Variants in STK39 observed in about 807,000 individuals in gnomAD.
STK39 encodes STE20/SPS1-related proline-alanine-rich protein kinase.
In STK39, 20 loss-of-function variants were observed where a neutral mutation model predicts 77.8. That is an observed-to-expected ratio of 0.26 (90% CI 0.18 to 0.37). The LOEUF is 0.37. STK39 is among the 10% of genes least tolerant of loss of function. STK39 has a pLI of 1.00. For synonymous variants in STK39, 246 were observed against 234.1 expected (o/e 1.05, Z -0.47); for missense variants, 479 against 656.5 (o/e 0.73, Z 2.95).
chr2:168,131,264 A>T (rs939784892), intron 8 of STK39, among the ~76,000 whole-genome samples: 1 of 152,218 alleles, frequency 6.6e-6, no homozygotes, highest in African/African-American at 2.4e-5. Flanking sequence ...CATCTTTTCC[A>T]TATGTTTTAA....
At chr2:168,043,778 C>A (rs375955317) in intron 14 of STK39, among the ~76,000 whole-genome samples, 3 of 152,188 alleles carry the variant, frequency 2.0e-5, no homozygotes, top group Non-Finnish European at 4.4e-5. Flanking sequence ...TTTCTGACTT[C>A]GTACTTGCAG....
intron 5 of STK39, among the ~76,000 whole-genome samples, chr2:168,157,151 T>C (rs1688451769): frequency 6.6e-6 from 1 of 152,122 alleles, no homozygotes; most frequent in South Asian, 2.1e-4. Flanking sequence ...GTTTTCAGTG[T>C]TCAAGATGCA....
chr2:167,996,760 G>C (rs1234932616), intron 16 of STK39, among the ~76,000 whole-genome samples: 1 of 152,200 alleles, frequency 6.6e-6, no homozygotes, highest in East Asian at 1.9e-4. Flanking sequence ...GGAGATTCTT[G>C]TTATCAAGTA....
chr2:167,998,622 TTTTG>T (rs144974144), intron 16 of STK39, among the ~76,000 whole-genome samples: 65,012 of 151,550 alleles, frequency 0.43, 14,344 homozygotes, highest in African/African-American at 0.49. Flanking sequence ...AGTTGGTGTT[TTTTG>T]TTTGTTTGTT....
At chr2:167,969,922 T>G (rs1692283410) in intron 16 of STK39, among the ~76,000 whole-genome samples, 1 of 152,202 alleles carries the variant, frequency 6.6e-6, no homozygotes, top group Non-Finnish European at 1.5e-5. Context: ...TGATCAGGCC[T>G]CCTGCTCCTT....
chr2:168,152,113 G>C (rs1574506712), intron 5 of STK39, among the ~76,000 whole-genome samples: 1 of 152,212 alleles, frequency 6.6e-6, no homozygotes. Flanking sequence ...TGTGCTGAAG[G>C]TTCCAGGCCA....
intron 5 of STK39, among the ~76,000 whole-genome samples, chr2:168,158,150 C>A (rs1341621255): frequency 6.6e-6 from 1 of 152,152 alleles, no homozygotes; most frequent in Non-Finnish European, 1.5e-5. Flanking sequence ...AGCCACTCCC[C>A]CTTCTATCAC....
chr2:168,091,590 A>C (rs1208835703), intron 10 of STK39, among the ~76,000 whole-genome samples: 1 of 152,212 alleles, frequency 6.6e-6, no homozygotes, highest in East Asian at 1.9e-4. Flanking sequence ...GTGCAGAAAG[A>C]CTGACAGGTG....
At chr2:168,065,248 C>A in intron 13 of STK39, 71 bp downstream of exon 13, 1 of 1,524,048 alleles carries the variant, frequency 6.6e-7, no homozygotes, top group South Asian at 1.1e-5. Context: ...GTCTATCTTT[C>A]TAAAATGTTG....
chr2:168,225,425 T>C (rs939088696), intron 1 of STK39, among the ~76,000 whole-genome samples: 14 of 152,196 alleles, frequency 9.2e-5, no homozygotes, highest in Non-Finnish European at 1.8e-4. Context: ...TCCAGGTATA[T>C]TTTTCAGAAT....
intron 1 of STK39, among the ~76,000 whole-genome samples, chr2:168,238,831 G>T (rs1340981780): frequency 1.3e-5 from 2 of 152,074 alleles, no homozygotes; most frequent in African/African-American, 4.8e-5. Context: ...CCAATTGATG[G>T]CAGATAGGGA....
intron 1 of STK39, among the ~76,000 whole-genome samples, chr2:168,189,658 T>C (rs1394334527): frequency 6.6e-6 from 1 of 152,240 alleles, no homozygotes; most frequent in African/African-American, 2.4e-5. Flanking sequence ...GTGATTAATA[T>C]TGGAATTTAC....
At chr2:168,045,815 C>T (rs1032749569) in intron 14 of STK39, among the ~76,000 whole-genome samples, 10 of 152,172 alleles carry the variant, frequency 6.6e-5, no homozygotes, top group African/African-American at 2.2e-4. Context: ...ACATCTGACT[C>T]CTCCAACTCC....
At chr2:168,218,035 T>C (rs577761984) in intron 1 of STK39, among the ~76,000 whole-genome samples, 29 of 152,296 alleles carry the variant, frequency 1.9e-4, no homozygotes, top group East Asian at 3.9e-4. Context: ...TACTAAGATA[T>C]GTAGGATCAT....
At chr2:168,091,112 C>G (rs997164091) in intron 10 of STK39, among the ~76,000 whole-genome samples, 1 of 151,236 alleles carries the variant, frequency 6.6e-6, no homozygotes, top group Non-Finnish European at 1.5e-5. Flanking sequence ...CTGCAAAGGG[C>G]AGAGACTTCA....
chr2:168,124,431 C>T (rs977893566), intron 10 of STK39, among the ~76,000 whole-genome samples: 9 of 151,936 alleles, frequency 5.9e-5, no homozygotes, highest in African/African-American at 2.2e-4. Context: ...GGCGGAGTCT[C>T]GATCTGTTGC....
intron 10 of STK39, among the ~76,000 whole-genome samples, chr2:168,084,492 A>G (rs1423404406): frequency 2.6e-5 from 4 of 152,206 alleles, no homozygotes; most frequent in African/African-American, 9.6e-5. Context: ...GAAGGTTGTC[A>G]GTGAGGGCTT....
chr2:168,181,390 T>C (rs935060253), intron 2 of STK39, among the ~76,000 whole-genome samples: 3 of 152,170 alleles, frequency 2.0e-5, no homozygotes, highest in African/African-American at 7.2e-5. Context: ...ATTGCTACTA[T>C]AGTCATATCC....
intron 1 of STK39, among the ~76,000 whole-genome samples, chr2:168,233,658 C>T (rs1236163471): frequency 6.6e-6 from 1 of 152,176 alleles, no homozygotes; most frequent in Non-Finnish European, 1.5e-5. Flanking sequence ...TTCAAATTCA[C>T]CGTTTAAGTG....
Sources: gnomAD v4.1 joint callset for allele counts (sites outside exome capture counted in the v4.1 genomes callset) on GRCh38, gnomAD v4.1.1 for gene constraint, MANE v1.5 for transcripts, NCBI Gene and HGNC (gene_info 2026-07-23, HGNC 2026-07-21) for gene names.